Variants in REV3L observed in about 807,000 individuals in gnomAD.
REV3L encodes REV3 like, DNA directed polymerase zeta catalytic subunit, also known as DNA polymerase zeta catalytic subunit.
Under a neutral mutation model 299.4 loss-of-function variants are expected in REV3L, and 69 were observed. The ratio of observed to expected loss-of-function variants is 0.23; its 90% CI spans 0.19 to 0.28. REV3L has a LOEUF of 0.28. Ranked by LOEUF, REV3L falls within the 10% of genes least tolerant of loss-of-function variation. REV3L has a pLI of 1.00. For synonymous variants in REV3L, 1,238 were observed against 1,271.4 expected (o/e 0.97, Z 0.56); for missense variants, 3,128 against 3,693.8 (o/e 0.85, Z 3.97).
chr6:111,387,944 G>A lies in REV3L; in HGVS notation c.948-31C>T, dbSNP rs373091542. ...TAATTAAAACATATCCTTTATAACA[G>A]ACTACATAACAAAGGAATAAAATTA... On this transcript the variant is annotated intron_variant, in intron 8 of 31. Transcript: ENST00000368802. 1.3e-4 allele frequency: 210 copies of A among 1,609,304 alleles called. 1 individual carries two copies. The African/African-American group carries it at 2.3e-3, about 18-fold the overall frequency.
intron 9 of REV3L, among the ~76,000 whole-genome samples, chr6:111,386,739 T>G (rs1285022685): frequency 3.8e-5 from 4 of 105,350 alleles, no homozygotes; most frequent in Non-Finnish European, 8.9e-5. Context: ...TTTTTTTTTT[T>G]GAGATGGAGT....
chr6:111,355,993 T>C (rs924417846), intron 18 of REV3L, among the ~76,000 whole-genome samples: 1 of 152,172 alleles, frequency 6.6e-6, no homozygotes, highest in African/African-American at 2.4e-5. Context: ...TTTTGTTTTG[T>C]AGAAAACACA....
At chr6:111,383,892 T>G (rs1781073668) in intron 9 of REV3L, among the ~76,000 whole-genome samples, 1 of 152,154 alleles carries the variant, frequency 6.6e-6, no homozygotes, top group South Asian at 2.1e-4. Flanking sequence ...AACGGCATGA[T>G]ACTGGCATAA....
At chr6:111,457,033 A>C (rs1001802384) in intron 1 of REV3L, among the ~76,000 whole-genome samples, 13 of 152,068 alleles carry the variant, frequency 8.5e-5, no homozygotes, top group Non-Finnish European at 1.6e-4. Flanking sequence ...TATTTTATGC[A>C]TTACAAAAAT....
rs902397848 is a variant in REV3L, at chr6:111,367,305, TAAG to T, written c.6480_6482del (p.Phe2160del). ...TTTGTATACCATCTTTTATTGGCTTTAAGAAGTTCTCAAAAGCCAATGAAGGCA... is the reference window on the plus strand; with the variant it reads ...TTTGTATACCATCTTTTATTGGCTTTAAGTTCTCAAAAGCCAATGAAGGCA... On this transcript the variant is annotated inframe_deletion, in exon 14 of 32. Coordinates refer to ENST00000368802, the MANE Select transcript of REV3L (RefSeq NM_001372078.1). 2 of 1,609,804 alleles carry T rather than the reference TAAG, an allele frequency of 1.2e-6. No homozygotes were observed. The highest frequency in any genetic ancestry group is 1.7e-6 in the Non-Finnish European group (2 of 1,178,824).
chr6:111,313,004 A>G (rs1319887521), intron 28 of REV3L: 2 of 168,276 alleles, frequency 1.2e-5, no homozygotes, highest in Non-Finnish European at 2.5e-5. Flanking sequence ...CAGAAACTTA[A>G]GGACTAAAAT....
In REV3L at chr6:111,372,879, CA is replaced by C; in HGVS notation, c.5475del (p.Asp1826MetfsTer5). The C allele has an allele frequency of 6.2e-7, 1 of 1,614,092 alleles. No homozygotes were observed. The highest frequency in any genetic ancestry group is 8.5e-7 in the Non-Finnish European group (1 of 1,180,002). ...CAGGCCACGTCTACAAGTTCACCATCAGGGGAGGAGAGTATTGCAGTAAAAG... is the reference window on the plus strand; with the variant it reads ...CAGGCCACGTCTACAAGTTCACCATCGGGGAGGAGAGTATTGCAGTAAAAG... ...NTSFTAILSS[P>X]DGELVDVACE... On this transcript the variant is annotated frameshift_variant, in exon 13 of 32. Coordinates refer to ENST00000368802, the MANE Select transcript of REV3L (RefSeq NM_001372078.1). LOFTEE classifies it high-confidence loss of function.
At chr6:111,416,083 A>G (rs545155915) in intron 2 of REV3L, among the ~76,000 whole-genome samples, 200 bp downstream of exon 2, 1 of 152,202 alleles carries the variant, frequency 6.6e-6, no homozygotes, top group African/African-American at 2.4e-5. Context: ...GAGAAATGGG[A>G]AAGGAAACAA....
chr6:111,428,153 G>A (rs1786412237), intron 1 of REV3L, among the ~76,000 whole-genome samples: 1 of 151,980 alleles, frequency 6.6e-6, no homozygotes, highest in Non-Finnish European at 1.5e-5. Context: ...CAAAGACACA[G>A]ATGTATATCC....
chr6:111,431,066 A>G, intron 1 of REV3L: 2 of 1,505,986 alleles, frequency 1.3e-6, no homozygotes, highest in Non-Finnish European at 1.8e-6. Flanking sequence ...CCGCATTATG[A>G]CTCCACATAT....
intron 26 of REV3L, 154 bp from the exon 27 acceptor site, chr6:111,315,535 CTGTTT>C: frequency 1.7e-6 from 1 of 603,264 alleles, no homozygotes; most frequent in Non-Finnish European, 2.9e-6. Context: ...GTAAGCTCTC[CTGTTT>C]TATTACTTTC....
rs1780229353 is a variant in REV3L, at chr6:111,375,662, T to C, written c.2693A>G (p.His898Arg). 6.2e-7 allele frequency: 1 copy of C among 1,613,858 alleles called. No individual in the cohort carries two copies. ...KTPTDGFIDC[H>R]FGDGTLETEQ... Reference sequence around the variant, plus strand: ...AGTTTCTAACGTTCCATCTCCAAAGTGACAGTCTATAAAACCATCTGTGGG... The same window carrying C: ...AGTTTCTAACGTTCCATCTCCAAAGCGACAGTCTATAAAACCATCTGTGGG... The change falls in exon 13 of 32, where the codon CAC (histidine) becomes CGC (arginine). Residue 898 changes from histidine to arginine, a missense_variant. Coordinates refer to ENST00000368802, the MANE Select transcript of REV3L (RefSeq NM_001372078.1).
chr6:111,400,524 A>G (rs1285324580), intron 4 of REV3L, among the ~76,000 whole-genome samples: 1 of 152,082 alleles, frequency 6.6e-6, no homozygotes, highest in Non-Finnish European at 1.5e-5. Context: ...CCATCCTTAT[A>G]TCTTCTTTAG....
chr6:111,316,563 G>A (rs1454894395), intron 26 of REV3L, among the ~76,000 whole-genome samples: 1 of 152,014 alleles, frequency 6.6e-6, no homozygotes, highest in Non-Finnish European at 1.5e-5. Flanking sequence ...TTACTTGGGA[G>A]GCTGAGGTGG....
intron 25 of REV3L, among the ~76,000 whole-genome samples, chr6:111,329,166 C>T (rs1384960143): frequency 6.6e-6 from 1 of 152,082 alleles, no homozygotes; most frequent in East Asian, 1.9e-4. Context: ...GCCTCGGCCT[C>T]TTGAGTAACT....
intron 3 of REV3L, among the ~76,000 whole-genome samples, chr6:111,407,319 G>A (rs1783749189): frequency 6.6e-6 from 1 of 152,120 alleles, no homozygotes; most frequent in Non-Finnish European, 1.5e-5. Flanking sequence ...AAACCCATGG[G>A]AGTAAATAAG....
intron 4 of REV3L, among the ~76,000 whole-genome samples, chr6:111,401,507 A>C (rs2128269250): frequency 6.6e-6 from 1 of 152,370 alleles, no homozygotes; most frequent in African/African-American, 2.4e-5. Context: ...AAAAACTGGC[A>C]TTTAGTAAAC....
rs1457556624 is a variant in REV3L at position 111,390,260 on chromosome 6, T to G, written c.663-80A>C. The G allele has an allele frequency of 2.2e-5, 19 of 867,030 alleles. No homozygotes were observed. In the Admixed American group the frequency reaches 3.7e-4, roughly 17 times the overall value. 53.7% of individuals were successfully genotyped at this position (867,030 alleles called of 1,614,324 possible). On this transcript the variant is annotated intron_variant, in intron 5 of 31. Transcript: ENST00000368802. The stretch of plus-strand genomic sequence containing the variant: ...CATTTTTCTTACTTATACAATTATC[T>G]TACATTTAGCTTGTACCCAGAAAAC...
intron 1 of REV3L, among the ~76,000 whole-genome samples, chr6:111,418,641 C>A (rs1375084599): frequency 6.6e-6 from 1 of 152,180 alleles, no homozygotes; most frequent in East Asian, 1.9e-4. Context: ...GCAATAGAAT[C>A]CAGCTCAACA....
Sources: gnomAD v4.1 joint callset for allele counts (sites outside exome capture counted in the v4.1 genomes callset) on GRCh38, gnomAD v4.1.1 for gene constraint, MANE v1.5 for transcripts, NCBI Gene and HGNC (gene_info 2026-07-23, HGNC 2026-07-21) for gene names.